Variants in EPM2A observed in about 807,000 individuals in gnomAD.
EPM2A encodes the protein EPM2A glucan phosphatase, laforin.
Under a neutral mutation model 26.5 loss-of-function variants are expected in EPM2A, and 21 were observed. The ratio of observed to expected loss-of-function variants is 0.79; its 90% CI spans 0.56 to 1.14. EPM2A has a LOEUF of 1.14. EPM2A is among the 50% of genes most tolerant of loss of function. The probability of loss-of-function intolerance (pLI) is 0.00; values close to 1 mark genes in which losing one functional copy is unlikely to be tolerated. For missense variants in EPM2A, 458 were observed against 440.8 expected, an observed-to-expected ratio of 1.04 and a Z score of -0.35; for synonymous variants, 217 against 177.6, an observed-to-expected ratio of 1.22 and a Z score of -1.76.
chr6:145,590,689 A>C (rs1401355049), intron 2 of EPM2A, among the ~76,000 whole-genome samples: 1 of 152,164 alleles, frequency 6.6e-6, no homozygotes, highest in Non-Finnish European at 1.5e-5. Flanking sequence ...CATTAGAGGA[A>C]TCTGAAGTCT....
At chr6:145,523,135 A>T (rs1780226330) in intron 2 of EPM2A, among the ~76,000 whole-genome samples, 1 of 152,150 alleles carries the variant, frequency 6.6e-6, no homozygotes, top group Admixed American at 6.6e-5. Context: ...TTGTGGGCAG[A>T]ACTTTGTTTT....
chr6:145,654,212 CAG>C (rs1443251784), intron 2 of EPM2A, among the ~76,000 whole-genome samples: 2 of 147,864 alleles, frequency 1.4e-5, no homozygotes, highest in South Asian at 2.1e-4. Flanking sequence ...TTTTTTGAGA[CAG>C]AGTTTCACTC....
downstream of EPM2A, among the ~76,000 whole-genome samples, chr6:145,623,521 G>C (rs143377226): frequency 6.6e-6 from 1 of 152,334 alleles, no homozygotes; most frequent in East Asian, 1.9e-4. Context: ...CAGAGTGAGA[G>C]AGGTGGAAGG....
intron 4 of EPM2A, among the ~76,000 whole-genome samples, chr6:145,387,481 G>T (rs1262347954): frequency 1.3e-5 from 2 of 152,078 alleles, no homozygotes; most frequent in African/African-American, 4.8e-5. Flanking sequence ...CACTCACTGT[G>T]TGTCTGTCTT....
intron 2 of EPM2A, among the ~76,000 whole-genome samples, chr6:145,674,426 C>G (rs1017775500): frequency 6.6e-6 from 1 of 152,066 alleles, no homozygotes; most frequent in Non-Finnish European, 1.5e-5. Context: ...CAAAGCTGGA[C>G]AGAGAATGAC....
At chr6:145,496,232 T>C (rs140479081) in intron 4 of EPM2A, among the ~76,000 whole-genome samples, 93 of 152,294 alleles carry the variant, frequency 6.1e-4, no homozygotes, top group Non-Finnish European at 9.3e-4. Flanking sequence ...ATGCCCTTAC[T>C]ATTGTTTCTT....
chr6:145,427,678 G>T (rs1778869409), intron 4 of EPM2A, among the ~76,000 whole-genome samples: 1 of 152,100 alleles, frequency 6.6e-6, no homozygotes, highest in Non-Finnish European at 1.5e-5. Context: ...TATTCAATTA[G>T]CACAAGAAAA....
chr6:145,717,735 A>C (rs1001817832), intron 1 of EPM2A, among the ~76,000 whole-genome samples: 2 of 149,428 alleles, frequency 1.3e-5, no homozygotes, highest in African/African-American at 4.9e-5. Context: ...TCTCAGCCCA[A>C]AATCTCCTTA....
At chr6:145,638,567 G>A (rs140180027) in intron 2 of EPM2A, 86 of 152,316 alleles carry the variant, frequency 5.6e-4, no homozygotes, top group African/African-American at 1.9e-3. Flanking sequence ...GGAAGTCAGA[G>A]TCCATATTTA....
intron 2 of EPM2A, among the ~76,000 whole-genome samples, chr6:145,577,709 C>T (rs1382082842): frequency 6.6e-6 from 1 of 152,004 alleles, no homozygotes; most frequent in Admixed American, 6.6e-5. Context: ...ACCTAAAAGA[C>T]ATTTACAGAG....
At chr6:145,657,247 G>C (rs1239303408) in intron 2 of EPM2A, among the ~76,000 whole-genome samples, 1 of 151,702 alleles carries the variant, frequency 6.6e-6, no homozygotes, top group Admixed American at 6.6e-5. Context: ...GCACCACCAC[G>C]CCTGGCTAAT....
At chr6:145,734,493 T>A (rs1776700439) in intron 1 of EPM2A, 1 of 152,192 alleles carries the variant, frequency 6.6e-6, no homozygotes, top group Non-Finnish European at 1.5e-5. Context: ...ATTGTTTTAG[T>A]ATTTTAAGAA....
At chr6:145,423,920 T>G (rs1778820900) in intron 4 of EPM2A, among the ~76,000 whole-genome samples, 1 of 152,184 alleles carries the variant, frequency 6.6e-6, no homozygotes, top group Non-Finnish European at 1.5e-5. Flanking sequence ...GTAGAATATG[T>G]TATTGGGCTG....
chr6:145,621,319 C>T (rs1169982268), downstream of EPM2A, among the ~76,000 whole-genome samples: 2 of 152,154 alleles, frequency 1.3e-5, no homozygotes, highest in African/African-American at 4.8e-5. Context: ...ATATATCCAC[C>T]ACATTGTCTT....
At chr6:145,408,108 CT>C (rs1778593988) in intron 4 of EPM2A, among the ~76,000 whole-genome samples, 1 of 152,102 alleles carries the variant, frequency 6.6e-6, no homozygotes, top group Non-Finnish European at 1.5e-5. Context: ...TGTTATGAGC[CT>C]CAGTGTCTTG....
chr6:145,415,211 A>T (rs549603977), intron 4 of EPM2A, among the ~76,000 whole-genome samples: 2 of 152,332 alleles, frequency 1.3e-5, no homozygotes, highest in Admixed American at 6.5e-5. Context: ...AGAACACATC[A>T]AAAGAAATGG....
At chr6:145,621,526 T>C (rs924261378), downstream of EPM2A, among the ~76,000 whole-genome samples, 1 of 152,180 alleles carries the variant, frequency 6.6e-6, no homozygotes, top group Non-Finnish European at 1.5e-5. Context: ...TTGTTTTCCA[T>C]AACGGCTGTA....
intron 4 of EPM2A, among the ~76,000 whole-genome samples, chr6:145,483,172 T>C (rs958423676): frequency 1.3e-5 from 2 of 152,102 alleles, no homozygotes; most frequent in African/African-American, 2.4e-5. Context: ...TAGCATGAAA[T>C]AGCCCTTATT....
At chr6:145,639,544 A>G (rs1221056284) in intron 2 of EPM2A, 1 of 152,178 alleles carries the variant, frequency 6.6e-6, no homozygotes, top group Non-Finnish European at 1.5e-5. Flanking sequence ...CAAGGTCTCC[A>G]TATGCATGTA....
Sources: gnomAD v4.1 joint callset for allele counts (sites outside exome capture counted in the v4.1 genomes callset) on GRCh38, gnomAD v4.1.1 for gene constraint, MANE v1.5 for transcripts, NCBI Gene and HGNC (gene_info 2026-07-23, HGNC 2026-07-21) for gene names.